The following SLC25A48 variants were observed in gnomAD, a reference collection of about 807,000 sequenced individuals.
The protein encoded by SLC25A48 is solute carrier family 25 member 48.
A neutral mutation model predicts 32.2 loss-of-function variants in SLC25A48; 29 were observed. The observed-to-expected ratio is 0.90, with a 90% CI of 0.67 to 1.23. The LOEUF (loss-of-function observed/expected upper bound fraction) is 1.23, where lower values mean the gene tolerates loss of function less well. Among genes scored for constraint, SLC25A48 ranks in the 50% most tolerant of loss-of-function variants. The pLI is 0.00. For synonymous variants in SLC25A48, 164 were observed against 172.3 expected, an observed-to-expected ratio of 0.95 and a Z score of 0.38; for missense variants, 399 against 422.7, an observed-to-expected ratio of 0.94 and a Z score of 0.49.
chr5:135,611,104 G>A (rs1367996358), intron 1 of SLC25A48, among the ~76,000 whole-genome samples: 1 of 152,184 alleles, frequency 6.6e-6, no homozygotes, highest in African/African-American at 2.4e-5. Flanking sequence ...TGTAAATTAT[G>A]TTCTAAATCT....
chr5:135,833,751 C>G (rs1207833319), upstream of SLC25A48, among the ~76,000 whole-genome samples: 2 of 152,206 alleles, frequency 1.3e-5, no homozygotes, highest in African/African-American at 4.8e-5. Flanking sequence ...GGTCCCTTCA[C>G]CTCCAAGTCC....
chr5:135,689,961 G>A (rs1754106106), intron 3 of SLC25A48, among the ~76,000 whole-genome samples: 2 of 152,184 alleles, frequency 1.3e-5, no homozygotes, highest in Non-Finnish European at 2.9e-5. Context: ...TGGGGACGAG[G>A]ACTGGGTAAG....
chr5:135,842,314 T>C (rs367611619), intron 1 of SLC25A48, 102 bp from the exon 2 acceptor site: 21 of 1,233,754 alleles, frequency 1.7e-5, no homozygotes, highest in African/African-American at 4.4e-5. Flanking sequence ...ACCCCAGCAA[T>C]TGACCGTTGA....
At chr5:135,853,280 T>C (rs1294077968) in intron 4 of SLC25A48, among the ~76,000 whole-genome samples, 1 of 152,200 alleles carries the variant, frequency 6.6e-6, no homozygotes, top group African/African-American at 2.4e-5. Flanking sequence ...GCTGTGGCAA[T>C]TTCTTAAAAT....
chr5:135,667,519 T>G (rs1753551728), intron 3 of SLC25A48, among the ~76,000 whole-genome samples: 1 of 152,196 alleles, frequency 6.6e-6, no homozygotes, highest in Admixed American at 6.5e-5. Flanking sequence ...TCAAAACAGC[T>G]TGTGTAACCA....
At chr5:135,835,016 G>A (rs527325704) in intron 1 of SLC25A48, 123 bp downstream of exon 1, 17 of 1,238,836 alleles carry the variant, frequency 1.4e-5, no homozygotes, top group South Asian at 1.2e-4. Context: ...CGCGCAGCCT[G>A]CTTTGGGGAG....
Position 135,871,552 on chromosome 5 carries a change from T to A in SLC25A48, c.513T>A (p.Asn171Lys). Residue 171 changes from asparagine (N) to lysine (K), a missense_variant, in exon 5 of 8, where the codon AAT (asparagine) becomes AAA (lysine). By Grantham distance (94) the Asn-to-Lys change is moderately conservative (BLOSUM62 0). Transcript: ENST00000681962. ...ACTGCATTACAACCATTGTGAGGAA[T>A]GAGGGCCTGGCGGGGCTATACCGGG... The part of the protein sequence containing the change: ...PVHCITTIVR[N>K]EGLAGLYRGA... The A allele has an allele frequency of 6.2e-7, 1 of 1,614,160 alleles. No individual in the cohort carries two copies. The highest frequency in any genetic ancestry group is 1.1e-5 in the South Asian group (1 of 91,072).
rs1224595765 is a variant in SLC25A48, at chr5:135,834,672, G to C, written c.-176G>C. On this transcript the variant is annotated 5_prime_UTR_variant, in exon 1 of 8. Coordinates refer to ENST00000681962, the MANE Select transcript of SLC25A48 (RefSeq NM_001349336.2). ...TCAGCCGCCCTCCGGCACTTGGAGA[G>C]GTGAGCGCGGCAGCCCGCGCAGCCG... The C allele has an allele frequency of 1.5e-6, 1 of 656,822 alleles. No homozygotes were observed. The highest frequency in any genetic ancestry group is 2.6e-6 in the Non-Finnish European group (1 of 388,720). 40.7% of individuals were successfully genotyped at this position (656,822 alleles called of 1,614,324 possible).
upstream of SLC25A48, among the ~76,000 whole-genome samples, chr5:135,830,030 C>A (rs1474789656): frequency 1.4e-5 from 2 of 144,556 alleles, no homozygotes; most frequent in African/African-American, 5.8e-5. Context: ...TGGGGTGTCG[C>A]CTCCCATCCA....
At chr5:135,875,898 CA>C (rs1761992845) in intron 6 of SLC25A48, 1 of 152,170 alleles carries the variant, frequency 6.6e-6, no homozygotes. Flanking sequence ...GAATGAAGAG[CA>C]GGATATCATA....
At chr5:135,681,510 G>C (rs1324476651) in intron 3 of SLC25A48, among the ~76,000 whole-genome samples, 1 of 152,014 alleles carries the variant, frequency 6.6e-6, no homozygotes, top group Non-Finnish European at 1.5e-5. Flanking sequence ...AAATGTTCTT[G>C]TTTATTAATT....
intron 3 of SLC25A48, among the ~76,000 whole-genome samples, chr5:135,661,046 C>T (rs1419042069): frequency 6.6e-6 from 1 of 152,226 alleles, no homozygotes; most frequent in Non-Finnish European, 1.5e-5. Context: ...CAGACTGGAC[C>T]TCTGAGAATG....
chr5:135,655,063 A>G (rs1329935025), intron 3 of SLC25A48, among the ~76,000 whole-genome samples: 1 of 152,232 alleles, frequency 6.6e-6, no homozygotes, highest in Non-Finnish European at 1.5e-5. Context: ...CTTAGGTCCT[A>G]TGACATTAAG....
intron 3 of SLC25A48, among the ~76,000 whole-genome samples, chr5:135,717,989 A>T (rs1399689904): frequency 6.6e-6 from 1 of 151,016 alleles, no homozygotes; most frequent in Non-Finnish European, 1.5e-5. Context: ...CTGGAAATTA[A>T]TTGTGGGCTT....
intron 3 of SLC25A48, among the ~76,000 whole-genome samples, chr5:135,718,918 AGTT>A (rs1002865791): frequency 6.6e-6 from 1 of 152,232 alleles, no homozygotes; most frequent in African/African-American, 2.4e-5. Flanking sequence ...TCTTGACTGT[AGTT>A]GTGAGTACAC....
At chr5:135,819,262 T>C (rs1757818073) in intron 4 of SLC25A48, among the ~76,000 whole-genome samples, 3 of 152,110 alleles carry the variant, frequency 2.0e-5, no homozygotes, top group Non-Finnish European at 1.5e-5. Flanking sequence ...ATAAGGTCAA[T>C]GAAAACCATG....
At chr5:135,851,315 T>A (rs1252809336) in intron 3 of SLC25A48, among the ~76,000 whole-genome samples, 1 of 152,148 alleles carries the variant, frequency 6.6e-6, no homozygotes, top group Non-Finnish European at 1.5e-5. Flanking sequence ...GCTTTAAAAT[T>A]GGGGCGAGCG....
chr5:135,603,566 G>T (rs1033475594), intron 1 of SLC25A48, among the ~76,000 whole-genome samples: 5 of 152,136 alleles, frequency 3.3e-5, no homozygotes, highest in African/African-American at 1.2e-4. Flanking sequence ...GTCTGGTGGT[G>T]GGGGGGTGCG....
intron 3 of SLC25A48, among the ~76,000 whole-genome samples, chr5:135,724,044 T>C (rs1486740257): frequency 2.0e-5 from 3 of 152,218 alleles, no homozygotes; most frequent in African/African-American, 7.2e-5. Context: ...CCCAGATCCC[T>C]TGCACACATG....
Sources: allele counts gnomAD v4.1 joint callset (sites outside exome capture counted in the v4.1 genomes callset), GRCh38; gene constraint gnomAD v4.1.1; transcripts MANE v1.5; gene names NCBI Gene and HGNC (gene_info 2026-07-23, HGNC 2026-07-21).